RFX7: variants seen among roughly 807,000 people sequenced by gnomAD.
RFX7 encodes regulatory factor X7.
In RFX7, 26 loss-of-function variants were observed where a neutral mutation model predicts 111.8. The observed-to-expected ratio is 0.23, with a 90% CI of 0.17 to 0.32. The LOEUF (loss-of-function observed/expected upper bound fraction) is 0.32, where lower values mean the gene tolerates loss of function less well. Among genes scored for constraint, RFX7 ranks in the 10% least tolerant of loss-of-function variants. The pLI is 1.00. For synonymous variants in RFX7, 624 were observed against 624.4 expected, an observed-to-expected ratio of 1.00 and a Z score of 0.01; for missense variants, 1,573 against 1,772.9, an observed-to-expected ratio of 0.89 and a Z score of 2.02.
chr15:56,192,554 A>G (rs550877900), intron 2 of RFX7: 2 of 160,910 alleles, frequency 1.2e-5, no homozygotes, highest in African/African-American at 2.4e-5. Flanking sequence ...ACTACATAGC[A>G]GTGTCAGTGT....
intron 2 of RFX7, among the ~76,000 whole-genome samples, chr15:56,197,247 C>A (rs1175388592): frequency 6.6e-6 from 1 of 152,066 alleles, no homozygotes; most frequent in African/African-American, 2.4e-5. Flanking sequence ...CTAATAGAAG[C>A]TCTTTTTATA....
intron 2 of RFX7, among the ~76,000 whole-genome samples, chr15:56,239,962 G>C (rs1488498074): frequency 1.3e-5 from 2 of 149,696 alleles, no homozygotes; most frequent in Non-Finnish European, 3.0e-5. Context: ...ATAAGAGGAA[G>C]GGAAAACTTG....
chr15:56,224,236 A>G (rs1348625541), intron 2 of RFX7, among the ~76,000 whole-genome samples: 1 of 152,162 alleles, frequency 6.6e-6, no homozygotes, highest in African/African-American at 2.4e-5. Flanking sequence ...GATAGAGAAG[A>G]TAAGCTGAAA....
At chr15:56,231,251 A>C (rs1028807717) in intron 2 of RFX7, among the ~76,000 whole-genome samples, 1 of 152,176 alleles carries the variant, frequency 6.6e-6, no homozygotes, top group African/African-American at 2.4e-5. Flanking sequence ...TGAAATACTG[A>C]ATTATGGTCT....
At chr15:56,178,161 A>T (rs2141127607) in intron 3 of RFX7, among the ~76,000 whole-genome samples, 1 of 126,792 alleles carries the variant, frequency 7.9e-6, no homozygotes, top group Non-Finnish European at 1.7e-5. Context: ...CGAAAACCAA[A>T]AAACTACACA....
intron 2 of RFX7, among the ~76,000 whole-genome samples, chr15:56,214,683 C>T (rs998931143): frequency 6.6e-6 from 1 of 150,390 alleles, no homozygotes; most frequent in Non-Finnish European, 1.5e-5. Flanking sequence ...CCACTGCACT[C>T]CGGCCTGGGC....
intron 3 of RFX7, among the ~76,000 whole-genome samples, chr15:56,151,371 C>A (rs1250742130): frequency 1.3e-5 from 2 of 152,198 alleles, no homozygotes; most frequent in Non-Finnish European, 1.5e-5. Flanking sequence ...TCGGCAGAAA[C>A]CCTACAAGCC....
chr15:56,138,411 T>C (rs1217700041), intron 5 of RFX7, among the ~76,000 whole-genome samples: 4 of 150,482 alleles, frequency 2.7e-5, no homozygotes, highest in African/African-American at 9.8e-5. Context: ...GTTTAAAGTC[T>C]GTTTTATCAG....
chr15:56,239,709 A>C (rs1215050575), intron 2 of RFX7, among the ~76,000 whole-genome samples: 1 of 152,128 alleles, frequency 6.6e-6, no homozygotes, highest in East Asian at 1.9e-4. Context: ...TGGATTAGGG[A>C]TGATCAACCT....
chr15:56,136,525 A>G (rs1460223562), intron 5 of RFX7, among the ~76,000 whole-genome samples: 3 of 139,630 alleles, frequency 2.1e-5, no homozygotes, highest in Non-Finnish European at 3.1e-5. Context: ...GGCTGAGACA[A>G]TGGGGTTTTC....
At chr15:56,243,062 C>CCCCCCCAAATG in intron 2 of RFX7, 63 bp downstream of exon 2, 1 of 1,049,048 alleles carries the variant, frequency 9.5e-7, no homozygotes, top group Non-Finnish European at 1.3e-6. Context: ...CGCCGCCCCC[C>CCCCCCCAAATG]ACCCACTTTG....
At chr15:56,232,960 T>G (rs1490939453) in intron 2 of RFX7, among the ~76,000 whole-genome samples, 4 of 152,208 alleles carry the variant, frequency 2.6e-5, no homozygotes, top group African/African-American at 9.7e-5. Flanking sequence ...TTCCAAACTT[T>G]CTCACATTTT....
intron 5 of RFX7, among the ~76,000 whole-genome samples, chr15:56,111,661 C>CAAAAAAAAAAAAAAAAAAAAACA (rs371681721): frequency 4.3e-4 from 41 of 95,426 alleles, no homozygotes; most frequent in South Asian, 1.2e-3. Flanking sequence ...ATAAATAAAC[C>CAAAAAAAAAAAAAAAAAAAAACA]AAAAAAAAAA....
intron 5 of RFX7, among the ~76,000 whole-genome samples, chr15:56,124,630 C>T (rs908936130): frequency 5.9e-5 from 9 of 152,162 alleles, no homozygotes; most frequent in African/African-American, 1.9e-4. Context: ...CATTTTTCCA[C>T]GTACCTATGG....
At chr15:56,225,557 CACA>C (rs1309680298) in intron 2 of RFX7, among the ~76,000 whole-genome samples, 1 of 152,150 alleles carries the variant, frequency 6.6e-6, no homozygotes, top group Non-Finnish European at 1.5e-5. Flanking sequence ...GTAGGTAATT[CACA>C]ACATTTCACA....
intron 2 of RFX7, among the ~76,000 whole-genome samples, chr15:56,187,800 T>A (rs145353538): frequency 1.3e-5 from 2 of 152,250 alleles, no homozygotes; most frequent in East Asian, 3.9e-4. Flanking sequence ...AAAGTTGGGG[T>A]TTGAATCCAG....
intron 3 of RFX7, among the ~76,000 whole-genome samples, chr15:56,173,567 G>A (rs142001885): frequency 3.9e-5 from 6 of 152,318 alleles, no homozygotes; most frequent in African/African-American, 1.4e-4. Flanking sequence ...GATCAGATGA[G>A]GTCAGGAGTT....
At chr15:56,218,102 T>C (rs1053788643) in intron 2 of RFX7, among the ~76,000 whole-genome samples, 1 of 151,754 alleles carries the variant, frequency 6.6e-6, no homozygotes, top group Non-Finnish European at 1.5e-5. Flanking sequence ...TGCACAGCAT[T>C]TACATTGTAT....
chr15:56,244,854 T>TA (rs2043808314), upstream of RFX7, among the ~76,000 whole-genome samples: 1 of 151,246 alleles, frequency 6.6e-6, no homozygotes, highest in South Asian at 2.1e-4. Flanking sequence ...ATGATAGCTT[T>TA]GCCACAAATA....
Sources: gnomAD v4.1 joint callset for allele counts (sites outside exome capture counted in the v4.1 genomes callset) on GRCh38, gnomAD v4.1.1 for gene constraint, MANE v1.5 for transcripts, NCBI Gene and HGNC (gene_info 2026-07-23, HGNC 2026-07-21) for gene names.